ZXDC: variants seen among roughly 807,000 people sequenced by gnomAD.
ZXDC encodes ZXD family zinc finger C, also known as zinc finger protein ZXDC.
In ZXDC, 58 loss-of-function variants were observed where a neutral mutation model predicts 63.6. The ratio of observed to expected loss-of-function variants is 0.91; its 90% CI spans 0.74 to 1.13. The LOEUF (loss-of-function observed/expected upper bound fraction) is 1.13, where lower values mean the gene tolerates loss of function less well. Among genes scored for constraint, ZXDC ranks in the 50% most tolerant of loss-of-function variants. The pLI, the probability that ZXDC is intolerant of heterozygous loss-of-function variation, is 0.00. For synonymous variants in ZXDC, 561 were observed against 496.1 expected, an observed-to-expected ratio of 1.13 and a Z score of -1.74; for missense variants, 1,133 against 1,148.9, an observed-to-expected ratio of 0.99 and a Z score of 0.20.
chr3:126,453,992 T>C (rs1934211039), intron 7 of ZXDC: 5 of 892,382 alleles, frequency 5.6e-6, no homozygotes, highest in Non-Finnish European at 6.7e-6. Flanking sequence ...TGTGTACATA[T>C]AGGCATATAT....
intron 3 of ZXDC, among the ~76,000 whole-genome samples, chr3:126,471,325 T>C (rs912482949): frequency 6.6e-6 from 1 of 152,200 alleles, no homozygotes; most frequent in African/African-American, 2.4e-5. Context: ...GATGAAGGTG[T>C]TTCTATTGTT....
chr3:126,455,328 T>C (rs1934265265), intron 7 of ZXDC, among the ~76,000 whole-genome samples: 1 of 152,186 alleles, frequency 6.6e-6, no homozygotes, highest in African/African-American at 2.4e-5. Context: ...AAATTTGAAA[T>C]AGCCTGAATC....
intron 7 of ZXDC, chr3:126,451,680 C>T: frequency 1.0e-6 from 1 of 985,398 alleles, no homozygotes; most frequent in Non-Finnish European, 1.2e-6. Context: ...TCCTTGTGAG[C>T]ACCAACCGGC....
chr3:126,438,891 TC>T (rs1933564510), intron 9 of ZXDC, among the ~76,000 whole-genome samples: 3 of 152,192 alleles, frequency 2.0e-5, no homozygotes, highest in Admixed American at 2.0e-4. Flanking sequence ...CAAGAAGTGT[TC>T]CTGCTGTTGC....
intron 7 of ZXDC, among the ~76,000 whole-genome samples, chr3:126,457,970 A>G (rs1363280462): frequency 6.6e-6 from 1 of 152,230 alleles, no homozygotes; most frequent in Non-Finnish European, 1.5e-5. Context: ...GCACACTCGA[A>G]AGAACAATCA....
chr3:126,462,023 A>G lies in ZXDC; in HGVS notation c.1639T>C (p.Ser547Pro). The part of the protein sequence containing the change: ...ILTIDVTSVS[S>P]SLGGNLPANN... ...GCAGGGAGGTTCCCTCCCAGAGAGG[A>G]GCTCACAGAAGTGACGTCAATAGTC... is the stretch of plus-strand genomic sequence containing the variant. The change falls in exon 6 of 10, where the codon TCC becomes CCC. Residue 547 changes from serine (S) to proline (P), a missense_variant. Physicochemically the swap from Ser to Pro is moderately conservative, Grantham distance 74 (BLOSUM62 -1). Coordinates refer to ENST00000389709, the MANE Select transcript of ZXDC (RefSeq NM_025112.5). The G allele has an allele frequency of 6.2e-7, 1 of 1,613,970 alleles. No individual in the cohort carries two copies. The highest frequency in any genetic ancestry group is 8.5e-7 in the Non-Finnish European group (1 of 1,179,998).
At position 126,458,718 on chromosome 3, in the gene ZXDC, T is replaced by G. The variant is rs1044592187; in HGVS notation, c.2212+935A>C. Reference sequence around the variant, plus strand: ...ACCAGGTTCAATAAAGGCATCCGCTTTCCTTCATGAACTTTCCTTGGTATA... The same window carrying G: ...ACCAGGTTCAATAAAGGCATCCGCTGTCCTTCATGAACTTTCCTTGGTATA... On this transcript the variant is annotated intron_variant, in intron 7 of 9. Coordinates refer to ENST00000389709, the MANE Select transcript of ZXDC (RefSeq NM_025112.5). The G allele has an allele frequency of 3.0e-6, 3 of 985,364 alleles. No homozygotes were observed. In the African/African-American group the frequency reaches 5.2e-5, roughly 17 times the overall value. 61.0% of individuals were successfully genotyped at this position (985,364 alleles called of 1,614,324 possible).
At chr3:126,460,339 A>C in intron 6 of ZXDC, 1 of 539,234 alleles carries the variant, frequency 1.9e-6, no homozygotes, top group Non-Finnish European at 2.4e-6. Context: ...TATCGCTATG[A>C]AGAGAAAAAG....
chr3:126,445,378 C>A (rs1170516962), intron 7 of ZXDC, among the ~76,000 whole-genome samples: 3 of 152,014 alleles, frequency 2.0e-5, no homozygotes, highest in African/African-American at 7.2e-5. Context: ...AGCGTCCACC[C>A]CTAGACACAT....
At chr3:126,452,934 T>C (rs555945256) in intron 7 of ZXDC, 323 of 776,186 alleles carry the variant, frequency 4.2e-4, no homozygotes, top group Middle Eastern at 1.3e-3. Context: ...ATGGGGGTCT[T>C]ACCACGTTGC....
rs1282220526 is a variant in ZXDC, at chr3:126,438,455, G to T, written c.2497C>A (p.Leu833Ile). 1.2e-6 allele frequency: 2 copies of T among 1,613,322 alleles called. No individual in the cohort carries two copies. The highest frequency in any genetic ancestry group is 1.7e-6 in the Non-Finnish European group (2 of 1,179,582). ...CCAGCAGGGCCTCCAGATGAGGGGAGCACCTCCTGCAAAACCAAGCATTGT... is the reference window on the plus strand; with the variant it reads ...CCAGCAGGGCCTCCAGATGAGGGGATCACCTCCTGCAAAACCAAGCATTGT... ...DLPVYVLQEV[L>I]PSSGGPAGPE... Residue 833 changes from leucine (L) to isoleucine (I), a missense_variant, in exon 10 of 10, where the codon CTC (leucine) becomes ATC (isoleucine). Coordinates refer to ENST00000389709, the MANE Select transcript of ZXDC (RefSeq NM_025112.5).
In ZXDC at chr3:126,450,121, G is replaced by A. The variant is rs1427634479; in HGVS notation, c.2213-8175C>T. 1.2e-5 allele frequency: 4 copies of A among 345,320 alleles called. No individual in the cohort carries two copies. The East Asian group carries it at 3.1e-4, about 27-fold the overall frequency. 21.4% of individuals were successfully genotyped at this position (345,320 alleles called of 1,614,324 possible). A position where few individuals can be genotyped will look rare whatever the true frequency, so the allele number is the denominator to read the frequency against. On this transcript the variant is annotated intron_variant, in intron 7 of 9. Transcript: ENST00000389709. Reference sequence around the variant, plus strand: ...AGGAGCCCAGGCCCCTCTAGGAAGTGATGTCCAGAGTCTGCAAGGGGTCTG... The same window carrying A: ...AGGAGCCCAGGCCCCTCTAGGAAGTAATGTCCAGAGTCTGCAAGGGGTCTG...
At position 126,437,728 on chromosome 3, in the gene ZXDC, C is replaced by T. The variant is rs893526511; in HGVS notation, c.*647G>A. ...TATTTTAAATTTTAACTCTACCATC[C>T]CCCCGAGCTCTCGGCTATGAATTTA... On this transcript the variant is annotated 3_prime_UTR_variant, in exon 10 of 10. Transcript: ENST00000389709. The T allele has an allele frequency of 1.4e-4, 21 of 152,192 alleles. No homozygotes were observed. Among genetic ancestry groups the T allele is most frequent in the African/African-American group, 4.3e-4 (18 of 41,386 alleles). 9.4% of individuals were successfully genotyped at this position (152,192 alleles called of 1,614,324 possible). A position where few individuals can be genotyped will look rare whatever the true frequency, so the allele number is the denominator to read the frequency against.
Position 126,446,209 on chromosome 3 carries a change from G to T in ZXDC, c.2213-4263C>A, listed in dbSNP as rs1012626274. 3.3e-5 allele frequency among the ~76,000 whole-genome samples: 5 copies of T among 152,180 alleles called. No homozygotes were observed. In the East Asian group the frequency reaches 7.7e-4, roughly 23 times the overall value. Reference sequence around the variant, plus strand: ...CTTGTGCTGGAGAATCTGCAGGAGTGGGGAGAGGAGCAGTATAAATCCAAC... The same window carrying T: ...CTTGTGCTGGAGAATCTGCAGGAGTTGGGAGAGGAGCAGTATAAATCCAAC... On this transcript the variant is annotated intron_variant, in intron 7 of 9. Transcript: ENST00000389709.
chr3:126,438,304 C>T lies in ZXDC; in HGVS notation c.*71G>A. On this transcript the variant is annotated 3_prime_UTR_variant, in exon 10 of 10. Coordinates refer to ENST00000389709, the MANE Select transcript of ZXDC (RefSeq NM_025112.5). ...GGAAACCAAATGAGGTCTCCCCAGG[C>T]TCATGTCATGAGTCTCAGGGAAGGT... 7.4e-7 allele frequency: 1 copy of T among 1,351,342 alleles called. No homozygotes were observed. The highest frequency in any genetic ancestry group is 1.0e-6 in the Non-Finnish European group (1 of 960,726). The allele number at this position is 1,351,342 out of a possible 1,614,324, so 83.7% of individuals were successfully genotyped here. A position where few individuals can be genotyped will look rare whatever the true frequency, so the allele number is the denominator to read the frequency against.
intron 7 of ZXDC, chr3:126,450,600 C>T (rs1388995120): frequency 2.2e-6 from 1 of 451,026 alleles, no homozygotes; most frequent in Non-Finnish European, 4.5e-6. Context: ...GGACTGACCG[C>T]CCCTGCTGAC....
chr3:126,440,441 G>C (rs1049989285), intron 8 of ZXDC: 1 of 985,190 alleles, frequency 1.0e-6, no homozygotes, highest in African/African-American at 1.7e-5. Context: ...GACTACGCTA[G>C]CTGGTAAGGG....
intron 6 of ZXDC, 29 bp from the exon 7 acceptor site, chr3:126,459,766 C>T: frequency 6.2e-7 from 1 of 1,614,144 alleles, no homozygotes. Flanking sequence ...ATGTCAGTCA[C>T]TTATCTAGAC....
chr3:126,439,753 G>C (rs1423779101), intron 8 of ZXDC, 26 bp from the exon 9 acceptor site: 1 of 1,545,754 alleles, frequency 6.5e-7, no homozygotes, highest in Non-Finnish European at 8.7e-7. Flanking sequence ...AGAAAGGCCT[G>C]TCACATGTCT....
Sources: allele counts gnomAD v4.1 joint callset (sites outside exome capture counted in the v4.1 genomes callset), GRCh38; gene constraint gnomAD v4.1.1; transcripts MANE v1.5; gene names NCBI Gene and HGNC (gene_info 2026-07-23, HGNC 2026-07-21).